ANO10: variants seen among roughly 807,000 people sequenced by gnomAD.
ANO10 encodes the protein anoctamin 10, also known as anoctamin-10.
ANO10 carries 77 observed loss-of-function variants against 74.7 expected under a neutral mutation model. The observed-to-expected ratio is 1.03, with a 90% CI of 0.86 to 1.25. The LOEUF (loss-of-function observed/expected upper bound fraction) is 1.25. Among genes scored for constraint, ANO10 ranks in the 50% most tolerant of loss-of-function variants. The probability of loss-of-function intolerance (pLI) is 0.00; values close to 1 mark genes in which losing one functional copy is unlikely to be tolerated. For missense variants in ANO10, 721 were observed against 778.1 expected (o/e 0.93, Z 0.87); for synonymous variants, 279 against 284.9 (o/e 0.98, Z 0.21).
In ANO10 at chr3:43,385,547, G is replaced by C. The variant is rs188417637; in HGVS notation, c.1915-18573C>G. On this transcript the variant is annotated intron_variant, in intron 12 of 12. Transcript: ENST00000292246. ...CCAACGAGTGGATAAAGAAAATGTG[G>C]TGTATATACCATGGAATACTACTCA... Among the ~76,000 whole-genome samples the C allele has an allele frequency of 3.3e-5, 5 of 152,274 alleles. No homozygotes were observed. The East Asian group carries it at 9.6e-4, about 29-fold the overall frequency.
At chr3:43,590,845 C>G (rs1300194793) in intron 4 of ANO10, among the ~76,000 whole-genome samples, 1 of 152,168 alleles carries the variant, frequency 6.6e-6, no homozygotes, top group Non-Finnish European at 1.5e-5. Flanking sequence ...CCTAGGCCGA[C>G]TAAGAATTCC....
intron 11 of ANO10, chr3:43,485,124 T>C: frequency 2.2e-6 from 2 of 890,506 alleles, no homozygotes; most frequent in South Asian, 2.8e-5. Flanking sequence ...TCCACCTTCA[T>C]CTGGTGGAGT....
chr3:43,672,628 C>T (rs1466624277), intron 1 of ANO10, among the ~76,000 whole-genome samples: 1 of 152,128 alleles, frequency 6.6e-6, no homozygotes, highest in Admixed American at 6.6e-5. Flanking sequence ...AGGTCTCTAT[C>T]TTTCAAATGC....
chr3:43,494,020 G>A (rs200162496), intron 11 of ANO10, among the ~76,000 whole-genome samples: 2 of 152,110 alleles, frequency 1.3e-5, no homozygotes, highest in African/African-American at 2.4e-5. Flanking sequence ...ACAGGCATAA[G>A]CCACCACTCC....
At chr3:43,529,691 A>G (rs750097591) in intron 11 of ANO10, among the ~76,000 whole-genome samples, 34 of 152,226 alleles carry the variant, frequency 2.2e-4, no homozygotes, top group Non-Finnish European at 3.4e-4. Flanking sequence ...AGCAGAATAC[A>G]TAAATTGTCA....
intron 11 of ANO10, among the ~76,000 whole-genome samples, chr3:43,497,870 T>A (rs1559616025): frequency 6.6e-6 from 1 of 152,228 alleles, no homozygotes; most frequent in Non-Finnish European, 1.5e-5. Context: ...TGCTGTGATA[T>A]ATGAAAGGAA....
intron 11 of ANO10, among the ~76,000 whole-genome samples, chr3:43,464,145 C>A (rs2075510206): frequency 6.6e-6 from 1 of 152,006 alleles, no homozygotes. Flanking sequence ...ATGTTTTTAT[C>A]AGCAACCTGA....
At chr3:43,478,713 A>G (rs1380238120) in intron 11 of ANO10, among the ~76,000 whole-genome samples, 4 of 152,292 alleles carry the variant, frequency 2.6e-5, no homozygotes, top group South Asian at 2.1e-4. Context: ...ACACAGTACA[A>G]TTTTTCTCAT....
chr3:43,552,722 A>ATGTATGTATG (rs1341156245), intron 10 of ANO10, among the ~76,000 whole-genome samples: 5 of 100,496 alleles, frequency 5.0e-5, no homozygotes, highest in South Asian at 5.9e-4. Flanking sequence ...ATATATATAT[A>ATGTATGTATG]TATATATGTA....
intron 12 of ANO10, among the ~76,000 whole-genome samples, chr3:43,376,139 C>T (rs1326658850): frequency 6.6e-6 from 1 of 152,106 alleles, no homozygotes; most frequent in South Asian, 2.1e-4. Context: ...CCAGAAACCT[C>T]GATCCGCAAG....
intron 1 of ANO10, among the ~76,000 whole-genome samples, chr3:43,676,262 C>G (rs908561455): frequency 6.6e-6 from 1 of 151,414 alleles, no homozygotes; most frequent in Non-Finnish European, 1.5e-5. Flanking sequence ...AGTTTGACAC[C>G]AGCCTGGACA....
chr3:43,503,185 G>C (rs2077162566), intron 11 of ANO10, among the ~76,000 whole-genome samples: 1 of 152,182 alleles, frequency 6.6e-6, no homozygotes, highest in Non-Finnish European at 1.5e-5. Context: ...CCAGTCATTG[G>C]TTAGAGAGAT....
chr3:43,561,215 C>T lies in ANO10; in HGVS notation c.1476+5G>A. The stretch of plus-strand genomic sequence containing the variant: ...AATGTTTAATTCAGCAATATTCCAA[C>T]TTACCAAATAAGTTCCCATTTCTTT... On this transcript the variant is annotated splice_donor_5th_base_variant and intron_variant, in intron 9 of 12. Transcript: ENST00000292246. The T allele has an allele frequency of 1.2e-6, 2 of 1,614,086 alleles. No homozygotes were observed. Among genetic ancestry groups the T allele is most frequent in the South Asian group, 1.1e-5 (1 of 91,084 alleles).
rs561474465 is a variant in ANO10, at chr3:43,682,761, G to C, written c.-12+8756C>G. Among the ~76,000 whole-genome samples, 7 of 152,254 alleles carry C rather than the reference G, an allele frequency of 4.6e-5. No homozygotes were observed. The East Asian group carries it at 5.8e-4, about 13-fold the overall frequency. On this transcript the variant is annotated intron_variant, in intron 1 of 3. Transcript: ENST00000413397. The stretch of plus-strand genomic sequence containing the variant: ...TCAAGTGGGCTTCATCCCTGGGATG[G>C]AAGGCTAGTTCAACATACGCAAATC...
chr3:43,511,181 C>T (rs996190933), intron 11 of ANO10, among the ~76,000 whole-genome samples: 1 of 152,050 alleles, frequency 6.6e-6, no homozygotes, highest in African/African-American at 2.4e-5. Flanking sequence ...CTGCAACATG[C>T]ACAAAATAAA....
chr3:43,477,475 A>G (rs1316496916), intron 11 of ANO10, among the ~76,000 whole-genome samples: 1 of 152,200 alleles, frequency 6.6e-6, no homozygotes, highest in African/African-American at 2.4e-5. Context: ...TTTTATTAAG[A>G]TAATTGTTAA....
At chr3:43,397,007 G>A (rs946824514) in intron 12 of ANO10, among the ~76,000 whole-genome samples, 9 of 150,796 alleles carry the variant, frequency 6.0e-5, no homozygotes, top group Non-Finnish European at 1.0e-4. Flanking sequence ...TTGGCTCACT[G>A]CAACCTCTGC....
At chr3:43,591,079 T>G (rs1478759486) in intron 4 of ANO10, among the ~76,000 whole-genome samples, 1 of 152,190 alleles carries the variant, frequency 6.6e-6, no homozygotes, top group Non-Finnish European at 1.5e-5. Context: ...GCAACCCCCT[T>G]TGGGTCCCCT....
At chr3:43,502,737 A>G (rs2077143924) in intron 11 of ANO10, among the ~76,000 whole-genome samples, 1 of 152,268 alleles carries the variant, frequency 6.6e-6, no homozygotes, top group Admixed American at 6.5e-5. Flanking sequence ...TGTACGTGCA[A>G]TGGAATATTA....
Sources: allele counts gnomAD v4.1 joint callset (sites outside exome capture counted in the v4.1 genomes callset), GRCh38; gene constraint gnomAD v4.1.1; transcripts MANE v1.5; gene names NCBI Gene and HGNC (gene_info 2026-07-23, HGNC 2026-07-21).